Variants in HSP90AA1 observed in about 807,000 individuals in gnomAD.
HSP90AA1 encodes heat shock protein HSP 90-alpha.
Under a neutral mutation model 73.3 loss-of-function variants are expected in HSP90AA1, and 18 were observed. The observed-to-expected ratio is 0.25, with a 90% confidence interval of 0.17 to 0.36. HSP90AA1 has a LOEUF of 0.36. Among genes scored for constraint, HSP90AA1 ranks in the 10% least tolerant of loss-of-function variants. HSP90AA1 has a pLI of 1.00. For synonymous variants in HSP90AA1, 477 were observed against 296.9 expected, an observed-to-expected ratio of 1.61 and a Z score of -6.24; for missense variants, 704 against 874.2, an observed-to-expected ratio of 0.81 and a Z score of 2.45.
In HSP90AA1 at chr14:102,087,018, C is replaced by A. The variant is rs111677320; in HGVS notation, c.-33G>T. 1.7e-5 allele frequency: 17 copies of A among 985,312 alleles called. No individual in the cohort carries two copies. The highest frequency in any genetic ancestry group is 2.0e-5 in the Non-Finnish European group (17 of 830,120). The allele number at this position is 985,312 out of a possible 1,614,324, so 61.0% of individuals were successfully genotyped here. A position where few individuals can be genotyped will look rare whatever the true frequency, so the allele number is the denominator to read the frequency against. ...AAGTGACCGCACAGGACCAACGGCA[C>A]AGCCACACCGGGACGCTGAAGCAAC... On this transcript the variant is annotated 5_prime_UTR_variant, in exon 1 of 11. Coordinates refer to ENST00000216281, the MANE Select transcript of HSP90AA1 (RefSeq NM_005348.4).
chr14:102,085,769 C>T lies in HSP90AA1; in HGVS notation c.518G>A (p.Arg173Lys), dbSNP rs115967466. 3 of 1,613,974 alleles carry T rather than the reference C, an allele frequency of 1.9e-6. No individual in the cohort carries two copies. The highest frequency in any genetic ancestry group is 1.1e-5 in the South Asian group (1 of 91,076). Residue 173 changes from arginine to lysine, a missense_variant, in exon 3 of 11, where the codon AGG becomes AAG. Physicochemically the swap from Arg to Lys is conservative, Grantham distance 26. Transcript: ENST00000216281. ...GTTCAGGTGCCTACCTGTGTCTGTC[C>T]TCACTGTGAATGATCCCCCTGCTGA... ...ESSAGGSFTVRTDTGEPMGRG... is the reference protein window; with the variant it reads ...ESSAGGSFTVKTDTGEPMGRG...
At chr14:102,093,384 C>G (rs1045515260) in intron 2 of HSP90AA1, among the ~76,000 whole-genome samples, 7 of 150,766 alleles carry the variant, frequency 4.6e-5, no homozygotes, top group African/African-American at 1.7e-4. Flanking sequence ...TGGCATATGC[C>G]TGTAATCCCA....
Position 102,139,414 on chromosome 14 carries a change from C to T in HSP90AA1, c.-10G>A, listed in dbSNP as rs771838649. The T allele has an allele frequency of 5.2e-6, 8 of 1,542,336 alleles. No homozygotes were observed. In the South Asian group the frequency reaches 9.5e-5, roughly 18 times the overall value. On this transcript the variant is annotated 5_prime_UTR_variant, in exon 1 of 12. Coordinates refer to the HSP90AA1 transcript ENST00000334701. ...CCGAACACGGGGGCATCCGCGCTCC[C>T]CGTAGGGTACCCCGCGTGCTGGCTC... is the stretch of plus-strand genomic sequence containing the variant.
chr14:102,139,265 G>A lies in HSP90AA1; in HGVS notation c.140C>T (p.Pro47Leu), dbSNP rs775160841. 1.9e-6 allele frequency: 3 copies of A among 1,614,116 alleles called. No homozygotes were observed. The South Asian group carries it at 3.3e-5, about 18-fold the overall frequency. The change falls in exon 1 of 12, where the codon CCG becomes CTG. Residue 47 changes from proline to leucine, a missense_variant. Pro to Leu is a moderately conservative substitution (Grantham distance 98, BLOSUM62 -3). Coordinates refer to the HSP90AA1 transcript ENST00000334701. The stretch of plus-strand genomic sequence containing the variant: ...CCCTTGGTACCTTCTCAGAAACGGC[G>A]GCGAGGAGGCTTCAGAGGGGCTTCC...
At chr14:102,111,060 G>T (rs910879725) in intron 1 of HSP90AA1, among the ~76,000 whole-genome samples, 3 of 152,162 alleles carry the variant, frequency 2.0e-5, no homozygotes, top group African/African-American at 7.2e-5. Context: ...TAAAAGTTTG[G>T]AAAATTTGCA....
Position 102,082,463 on chromosome 14 carries a change from G to A in HSP90AA1, c.1756-19C>T, listed in dbSNP as rs748132521. On this transcript the variant is annotated intron_variant, in intron 9 of 10. Coordinates refer to ENST00000216281, the MANE Select transcript of HSP90AA1 (RefSeq NM_005348.4). ...CAACCACCTGTAATCAAAAAGTGAT[G>A]ACTAGGAACCTAGAAAGATTAATTC... 4 of 1,581,372 alleles carry A rather than the reference G, an allele frequency of 2.5e-6. No individual in the cohort carries two copies. Among genetic ancestry groups the A allele is most frequent in the Non-Finnish European group, 3.5e-6 (4 of 1,155,646 alleles).
Position 102,083,292 on chromosome 14 carries a change from C to T in HSP90AA1, c.1497G>A (p.Lys499=), listed in dbSNP as rs1198341600. The T allele has an allele frequency of 1.2e-6, 2 of 1,614,174 alleles. No homozygotes were observed. Among genetic ancestry groups the T allele is most frequent in the Admixed American group, 1.7e-5 (1 of 60,024 alleles). The change falls in exon 9 of 11, where the codon AAG becomes AAA. Residue 499 remains lysine (K), a synonymous_variant. Coordinates refer to ENST00000216281, the MANE Select transcript of HSP90AA1 (RefSeq NM_005348.4). ...KHIYYITGET[K]DQVANSAFVE... ...CAAAGGCTGAGTTAGCTACCTGGTC[C>T]TTGGTCTCACCTGAGGTATTACAAA...
chr14:102,122,280 A>C (rs2049786954), intron 1 of HSP90AA1, among the ~76,000 whole-genome samples: 1 of 109,706 alleles, frequency 9.1e-6, no homozygotes, highest in Non-Finnish European at 1.7e-5. Flanking sequence ...CTGTTTAAAG[A>C]CTTTTTTTTT....
upstream of HSP90AA1, among the ~76,000 whole-genome samples, chr14:102,088,760 T>G (rs2152615294): frequency 6.6e-6 from 1 of 152,302 alleles, no homozygotes; most frequent in South Asian, 2.1e-4. Flanking sequence ...CGCCTTTGCC[T>G]GTTTCCTTCC....
chr14:102,116,784 TG>T (rs2152623210), intron 1 of HSP90AA1, among the ~76,000 whole-genome samples: 1 of 152,266 alleles, frequency 6.6e-6, no homozygotes, highest in South Asian at 2.1e-4. Context: ...ACAATGGGGC[TG>T]GGCACAGAGA....
intron 1 of HSP90AA1, among the ~76,000 whole-genome samples, chr14:102,130,734 A>T (rs2049898237): frequency 6.6e-6 from 1 of 151,766 alleles, no homozygotes; most frequent in South Asian, 2.1e-4. Flanking sequence ...TTCTGAGTTA[A>T]TTTTTGTTTT....
At chr14:102,086,917 G>A in intron 1 of HSP90AA1, 69 bp downstream of exon 1, 1 of 888,506 alleles carries the variant, frequency 1.1e-6, no homozygotes, top group African/African-American at 1.8e-5. Flanking sequence ...CACAGCCTCC[G>A]CCCCGCGCCA....
intron 2 of HSP90AA1, among the ~76,000 whole-genome samples, chr14:102,093,971 AAAG>A (rs1463942070): frequency 8.6e-6 from 1 of 115,984 alleles, no homozygotes; most frequent in African/African-American, 3.3e-5. Context: ...TTTTTTCAAA[AAAG>A]AAAAAAGAAG....
At chr14:102,086,552 C>T (rs964523951) in intron 1 of HSP90AA1, among the ~76,000 whole-genome samples, 174 bp from the exon 2 acceptor site, 1 of 152,116 alleles carries the variant, frequency 6.6e-6, no homozygotes, top group Non-Finnish European at 1.5e-5. Flanking sequence ...AGCGCGGCAA[C>T]TACCACGAGC....
intron 1 of HSP90AA1, among the ~76,000 whole-genome samples, chr14:102,131,798 G>A (rs375285590): frequency 6.6e-6 from 1 of 152,130 alleles, no homozygotes; most frequent in Non-Finnish European, 1.5e-5. Context: ...ACTACATGAT[G>A]TACTTAGTTG....
intron 1 of HSP90AA1, among the ~76,000 whole-genome samples, chr14:102,106,608 A>C (rs2049571654): frequency 7.0e-6 from 1 of 142,364 alleles, no homozygotes; most frequent in South Asian, 2.2e-4. Context: ...GCAGTGGCAC[A>C]ACTCAGCTCA....
chr14:102,120,630 G>C (rs1260215895), intron 1 of HSP90AA1, among the ~76,000 whole-genome samples: 1 of 151,874 alleles, frequency 6.6e-6, no homozygotes, highest in Admixed American at 6.6e-5. Context: ...AACCTATTTT[G>C]TTATAGGTAT....
chr14:102,100,016 A>T lies in HSP90AA1; in HGVS notation c.366+1859T>A, dbSNP rs114774318. Among the ~76,000 whole-genome samples the T allele has an allele frequency of 3.4e-3, 514 of 152,194 alleles. 2 individuals carry two copies. The highest frequency in any genetic ancestry group is 0.012 in the African/African-American group (493 of 41,514). ...AGCCTGGGTGATATAGGGAACTCTCATCTTTACAAAAAATACAAAAATTAG... is the reference window on the plus strand; with the variant it reads ...AGCCTGGGTGATATAGGGAACTCTCTTCTTTACAAAAAATACAAAAATTAG... On this transcript the variant is annotated intron_variant, in intron 2 of 11. Coordinates refer to the HSP90AA1 transcript ENST00000334701.
rs752947562 is a variant in HSP90AA1 at position 102,083,291 on chromosome 14, C to T, written c.1498G>A (p.Asp500Asn). 1 of 1,614,110 alleles carries T rather than the reference C, an allele frequency of 6.2e-7. No homozygotes were observed. Among genetic ancestry groups the T allele is most frequent in the Non-Finnish European group, 8.5e-7 (1 of 1,180,002 alleles). Residue 500 changes from aspartate (D) to asparagine (N), a missense_variant, in exon 9 of 11, where the codon GAC becomes AAC. Transcript: ENST00000216281. Reference protein sequence around the residue: ...HIYYITGETKDQVANSAFVER... With the variant: ...HIYYITGETKNQVANSAFVER... The stretch of plus-strand genomic sequence containing the variant: ...ACAAAGGCTGAGTTAGCTACCTGGT[C>T]CTTGGTCTCACCTGAGGTATTACAA...
Sources: allele counts gnomAD v4.1 joint callset (sites outside exome capture counted in the v4.1 genomes callset), GRCh38; gene constraint gnomAD v4.1.1; transcripts MANE v1.5; gene names NCBI Gene and HGNC (gene_info 2026-07-23, HGNC 2026-07-21).